The following LRRC74A variants were observed in gnomAD, a reference collection of about 807,000 sequenced individuals.
The protein encoded by LRRC74A is leucine rich repeat containing 74A.
Under a neutral mutation model 57.9 loss-of-function variants are expected in LRRC74A, and 44 were observed. The ratio of observed to expected loss-of-function variants is 0.76; its 90% confidence interval spans 0.60 to 0.98. The LOEUF (loss-of-function observed/expected upper bound fraction) is 0.98. LRRC74A is among the 50% of genes least tolerant of loss of function. The pLI is 0.00. For synonymous variants in LRRC74A, 211 were observed against 219.4 expected (o/e 0.96, Z 0.34); for missense variants, 572 against 574.0 (o/e 1.00, Z 0.04).
At position 76,861,108 on chromosome 14, in the gene LRRC74A, G is replaced by A. The variant is rs977850211; in HGVS notation, c.1200+269G>A. Among the ~76,000 whole-genome samples, 3 of 152,174 alleles carry A rather than the reference G, an allele frequency of 2.0e-5. 1 individual carries two copies. The highest frequency in any genetic ancestry group is 2.9e-5 in the Non-Finnish European group (2 of 68,028). On this transcript the variant is annotated intron_variant, in intron 11 of 13. Coordinates refer to ENST00000689127, the MANE Select transcript of LRRC74A (RefSeq NM_001385106.1). ...GTGGACAGAATGGATTATCCCACCC[G>A]GACTCCTCCACCTGCTAGCGTATGA...
chr14:76,828,380 CCAGCCCGGGAGAATTCGGAAA>C lies in LRRC74A; in HGVS notation c.131_151del (p.Ala44_Thr50del). 6.2e-7 allele frequency: 1 copy of C among 1,613,960 alleles called. No individual in the cohort carries two copies. Among genetic ancestry groups the C allele is most frequent in the Non-Finnish European group, 8.5e-7 (1 of 1,179,860 alleles). ...CCCGCCGACTGTTGAAAAAGTGAAA[CCAGCCCGGGAGAATTCGGAAA>C]CAGACCTGGAGATTGAAGGCGAGCA... On this transcript the variant is annotated inframe_deletion, in exon 2 of 14. Transcript: ENST00000689127.
rs1896992998 is a variant in LRRC74A, at chr14:76,844,539, C to A, written c.594+67C>A. The A allele has an allele frequency of 8.1e-6, 12 of 1,480,108 alleles. No homozygotes were observed. The South Asian group carries it at 1.2e-4, about 15-fold the overall frequency. The allele number at this position is 1,480,108 out of a possible 1,614,324, so 91.7% of individuals were successfully genotyped here. ...CCTGGGAGATCTGGGCAACCTGGGG[C>A]TGCTATGGGCACAGTAACGTGAGGC... On this transcript the variant is annotated intron_variant, in intron 6 of 13. Transcript: ENST00000689127.
At chr14:76,833,408 G>A (rs1170983738) in intron 3 of LRRC74A, among the ~76,000 whole-genome samples, 1 of 149,084 alleles carries the variant, frequency 6.7e-6, no homozygotes, top group Non-Finnish European at 1.5e-5. Flanking sequence ...GAGAGAGAAC[G>A]AGAGAGAGAG....
rs61746986 is a variant in LRRC74A at position 76,857,468 on chromosome 14, A to T, written c.1046A>T (p.Asp349Val). ...RNPKSRMEEL[D>V]ISNVLVSEQF... ...CCCAAATCCAGGATGGAAGAGCTTG[A>T]TATTTCCGTAAGTGATCAAATGGTA... The change falls in exon 10 of 14, where the codon GAT becomes GTT. Residue 349 changes from aspartate to valine, a missense_variant. Coordinates refer to ENST00000689127, the MANE Select transcript of LRRC74A (RefSeq NM_001385106.1). 78 of 1,572,380 alleles carry T rather than the reference A, an allele frequency of 5.0e-5. No individual in the cohort carries two copies. In the African/African-American group the frequency reaches 9.0e-4, roughly 18 times the overall value.
chr14:76,861,584 G>A (rs577444351), intron 11 of LRRC74A, among the ~76,000 whole-genome samples: 4 of 152,324 alleles, frequency 2.6e-5, no homozygotes, highest in Admixed American at 6.5e-5. Flanking sequence ...ATGATAACTT[G>A]CCCCCAACTC....
intron 7 of LRRC74A, among the ~76,000 whole-genome samples, chr14:76,845,779 G>A (rs185387883): frequency 2.2e-4 from 33 of 152,346 alleles, no homozygotes; most frequent in African/African-American, 5.5e-4. Flanking sequence ...CCAGCACTTC[G>A]GGAGGCCGAG....
Position 76,836,265 on chromosome 14 carries a change from T to C in LRRC74A, c.398T>C (p.Val133Ala), listed in dbSNP as rs1222602362. Residue 133 changes from valine to alanine, a missense_variant, in exon 4 of 14, where the codon GTC becomes GCC. Coordinates refer to ENST00000689127, the MANE Select transcript of LRRC74A (RefSeq NM_001385106.1). ...LEDNCIMEEG[V>A]LSLVEMLQEN... is the part of the protein sequence containing the mutation. ...GACAATTGCATCATGGAGGAGGGCG[T>C]CTTGAGCCTGGTGGAGATGCTACAA... 1 of 1,613,734 alleles carries C rather than the reference T, an allele frequency of 6.2e-7. No homozygotes were observed. The highest frequency in any genetic ancestry group is 8.5e-7 in the Non-Finnish European group (1 of 1,179,828).
chr14:76,837,411 A>G (rs1896433767), intron 4 of LRRC74A, among the ~76,000 whole-genome samples: 1 of 152,218 alleles, frequency 6.6e-6, no homozygotes, highest in Admixed American at 6.5e-5. Context: ...TGGCCACTTT[A>G]TATAAAGTCT....
At position 76,870,062 on chromosome 14, in the gene LRRC74A, T is replaced by C; in HGVS notation, c.1392-63T>C. On this transcript the variant is annotated intron_variant, in intron 13 of 13. Coordinates refer to ENST00000689127, the MANE Select transcript of LRRC74A (RefSeq NM_001385106.1). ...TTTGGATTTAAGCCTGTCTTAACATTCTCACCCATCAGCCATGAGGCTGTA... is the reference window on the plus strand; with the variant it reads ...TTTGGATTTAAGCCTGTCTTAACATCCTCACCCATCAGCCATGAGGCTGTA... 4 of 1,556,032 alleles carry C rather than the reference T, an allele frequency of 2.6e-6. 1 individual carries two copies. Among genetic ancestry groups the C allele is most frequent in the Middle Eastern group, 3.3e-4 (2 of 5,972 alleles).
chr14:76,849,172 G>T (rs1897279737), intron 7 of LRRC74A, among the ~76,000 whole-genome samples: 1 of 152,044 alleles, frequency 6.6e-6, no homozygotes, highest in South Asian at 2.1e-4. Flanking sequence ...TTGTTTTTGA[G>T]GCGGAGTCTC....
intron 7 of LRRC74A, among the ~76,000 whole-genome samples, chr14:76,848,824 G>A (rs995727189): frequency 4.6e-5 from 7 of 152,182 alleles, no homozygotes; most frequent in Admixed American, 1.3e-4. Context: ...ACAAAAGTGC[G>A]GAGCTCGCTG....
chr14:76,862,141 C>A (rs1334973535), intron 11 of LRRC74A, among the ~76,000 whole-genome samples: 12 of 152,172 alleles, frequency 7.9e-5, no homozygotes, highest in Non-Finnish European at 1.6e-4. Context: ...ATCTTGGAGA[C>A]CAAACATGCA....
rs372608615 is a variant in LRRC74A at position 76,849,961 on chromosome 14, C to G, written c.677-2404C>G. ...TGGTGGCTCACGCCTGTAATCCCAGCACTTTGGGAGGCCGAGGCGGGCGGA... is the reference window on the plus strand; with the variant it reads ...TGGTGGCTCACGCCTGTAATCCCAGGACTTTGGGAGGCCGAGGCGGGCGGA... On this transcript the variant is annotated intron_variant, in intron 7 of 13. Transcript: ENST00000689127. 7.0e-4 allele frequency among the ~76,000 whole-genome samples: 106 copies of G among 152,254 alleles called. 1 individual carries two copies. The South Asian group carries it at 0.012, about 17-fold the overall frequency.
intron 2 of LRRC74A, 85 bp downstream of exon 2, chr14:76,828,504 C>A: frequency 6.3e-7 from 1 of 1,588,786 alleles, no homozygotes; most frequent in Non-Finnish European, 8.6e-7. Context: ...TCATCTCACT[C>A]CTTTCCAGAG....
At position 76,867,447 on chromosome 14, in the gene LRRC74A, A is replaced by G; in HGVS notation, c.1391+9A>G. On this transcript the variant is annotated intron_variant, in intron 13 of 13. Coordinates refer to ENST00000689127, the MANE Select transcript of LRRC74A (RefSeq NM_001385106.1). ...GGCATGGTGAACTTCAGGTCAGCCC[A>G]GGCCCCGCGACGATCCCCGTTCTCT... The G allele has an allele frequency of 1.3e-6, 2 of 1,532,836 alleles. No homozygotes were observed. The highest frequency in any genetic ancestry group is 1.8e-6 in the Non-Finnish European group (2 of 1,107,544). The allele number at this position is 1,532,836 out of a possible 1,614,324, so 95.0% of individuals were successfully genotyped here. A position where few individuals can be genotyped will look rare whatever the true frequency, so the allele number is the denominator to read the frequency against.
chr14:76,864,802 C>T lies in LRRC74A; in HGVS notation c.1201-1166C>T, dbSNP rs188233806. On this transcript the variant is annotated intron_variant, in intron 11 of 13. Coordinates refer to ENST00000689127, the MANE Select transcript of LRRC74A (RefSeq NM_001385106.1). The stretch of plus-strand genomic sequence containing the variant: ...CTGGGAGGCAGAGGTTGCAGTGAGC[C>T]GAGATCGAGCCACTGAACTCTAGCC... Among the ~76,000 whole-genome samples, 584 of 152,012 alleles carry T rather than the reference C, an allele frequency of 3.8e-3. 6 individuals are homozygous for T. The highest frequency in any genetic ancestry group is 0.013 in the African/African-American group (554 of 41,466).
At chr14:76,853,527 T>A in intron 9 of LRRC74A, 117 bp downstream of exon 9, 1 of 954,996 alleles carries the variant, frequency 1.0e-6, no homozygotes, top group Non-Finnish European at 1.6e-6. Flanking sequence ...GGAATATCTG[T>A]ACTTCATATA....
In LRRC74A at chr14:76,829,075, C is replaced by T. The variant is rs940792635; in HGVS notation, c.166+656C>T. ...TGTTAATGCAAATAACACCTCCACC[C>T]TCTCTCTCCTCCCAGTTTCCCCAAG... On this transcript the variant is annotated intron_variant, in intron 2 of 13. Transcript: ENST00000689127. 2.6e-5 allele frequency: 34 copies of T among 1,289,330 alleles called. No homozygotes were observed. In the East Asian group the frequency reaches 1.7e-3, roughly 63 times the overall value. 79.9% of individuals were successfully genotyped at this position (1,289,330 alleles called of 1,614,324 possible). A position where few individuals can be genotyped will look rare whatever the true frequency, so the allele number is the denominator to read the frequency against.
chr14:76,854,626 G>A (rs554462446), intron 9 of LRRC74A, among the ~76,000 whole-genome samples: 1 of 152,100 alleles, frequency 6.6e-6, no homozygotes, highest in African/African-American at 2.4e-5. Context: ...ATGAAGACTG[G>A]TTTTGCCCAT....
Sources: gnomAD v4.1 joint callset for allele counts (sites outside exome capture counted in the v4.1 genomes callset) on GRCh38, gnomAD v4.1.1 for gene constraint, MANE v1.5 for transcripts, NCBI Gene and HGNC (gene_info 2026-07-23, HGNC 2026-07-21) for gene names.